Variants in KIF21A observed in about 807,000 individuals in gnomAD.
KIF21A encodes the protein kinesin family member 21A.
A neutral mutation model predicts 202.9 loss-of-function variants in KIF21A; 114 were observed. The ratio of observed to expected loss-of-function variants is 0.56; its 90% CI spans 0.48 to 0.66. The LOEUF (loss-of-function observed/expected upper bound fraction) is 0.66. KIF21A is among the 30% of genes least tolerant of loss of function. The pLI is 0.00. For missense variants in KIF21A, 1,677 were observed against 1,994.9 expected (o/e 0.84, Z 3.04); for synonymous variants, 667 against 670.8 (o/e 0.99, Z 0.09).
At chr12:39,376,147 ACG>A (rs1950257487) in intron 1 of KIF21A, among the ~76,000 whole-genome samples, 1 of 152,144 alleles carries the variant, frequency 6.6e-6, no homozygotes, top group African/African-American at 2.4e-5. Flanking sequence ...TAGAACCCCT[ACG>A]TCATCAATAG....
At chr12:39,376,220 CACAT>C (rs572688719) in intron 1 of KIF21A, among the ~76,000 whole-genome samples, 20 of 152,094 alleles carry the variant, frequency 1.3e-4, no homozygotes, top group Non-Finnish European at 2.6e-4. Context: ...CAGATATACA[CACAT>C]ACATTGTTAT....
intron 11 of KIF21A, among the ~76,000 whole-genome samples, chr12:39,348,929 T>C (rs748731321): frequency 6.6e-6 from 1 of 152,120 alleles, no homozygotes; most frequent in Non-Finnish European, 1.5e-5. Context: ...GCTTGTTGGT[T>C]ATCAGACATT....
At chr12:39,324,126 G>A (rs530782625) in intron 26 of KIF21A, among the ~76,000 whole-genome samples, 131 of 151,832 alleles carry the variant, frequency 8.6e-4, no homozygotes, top group Admixed American at 3.7e-3. Context: ...AAAAAGAAAT[G>A]ATACGAGATC....
chr12:39,439,778 G>C (rs1486491366), intron 1 of KIF21A, among the ~76,000 whole-genome samples: 1 of 152,002 alleles, frequency 6.6e-6, no homozygotes, highest in Non-Finnish European at 1.5e-5. Context: ...ACTGTAAAAA[G>C]GTATTTTTGG....
chr12:39,358,061 G>T, intron 8 of KIF21A, 117 bp downstream of exon 8: 1 of 874,834 alleles, frequency 1.1e-6, no homozygotes, highest in Non-Finnish European at 1.9e-6. Context: ...AAGGAAGGAG[G>T]ACACTATTAT....
chr12:39,297,642 C>T (rs192437592), intron 37 of KIF21A, among the ~76,000 whole-genome samples: 9,392 of 149,608 alleles, frequency 0.063, 978 homozygotes, highest in African/African-American at 0.22. Context: ...TGCTAGATGA[C>T]GAGTTAGTGA....
Position 39,309,434 on chromosome 12 carries a change from T to C in KIF21A, c.4277+152A>G, listed in dbSNP as rs1335792348. On this transcript the variant is annotated intron_variant, in intron 33 of 37. Transcript: ENST00000361418. ...AATTTTCCCCCCTCTTATCTGTGCT[T>C]TTCTTTGTGAACACTTTAATATCCT... 1.6e-5 allele frequency: 10 copies of C among 608,538 alleles called. No homozygotes were observed. In the East Asian group the frequency reaches 2.6e-4, roughly 16 times the overall value. The allele number at this position is 608,538 out of a possible 1,614,324, so 37.7% of individuals were successfully genotyped here.
chr12:39,338,781 A>C (rs532005111), intron 16 of KIF21A, among the ~76,000 whole-genome samples: 1 of 152,366 alleles, frequency 6.6e-6, no homozygotes, highest in Non-Finnish European at 1.5e-5. Context: ...GTCTAAAAAA[A>C]TAATGTGCAT....
intron 1 of KIF21A, among the ~76,000 whole-genome samples, chr12:39,426,908 GA>G (rs1332730792): frequency 6.0e-5 from 9 of 150,456 alleles, no homozygotes; most frequent in African/African-American, 2.2e-4. Flanking sequence ...AGAAAAGAAA[GA>G]AAATTAAGAA....
At chr12:39,387,672 G>A (rs909859552) in intron 1 of KIF21A, among the ~76,000 whole-genome samples, 2 of 152,042 alleles carry the variant, frequency 1.3e-5, no homozygotes, top group Non-Finnish European at 2.9e-5. Flanking sequence ...TATTGGATCC[G>A]TATGTGGGCC....
chr12:39,356,398 G>C (rs962109047), intron 10 of KIF21A, among the ~76,000 whole-genome samples: 2 of 152,076 alleles, frequency 1.3e-5, no homozygotes, highest in African/African-American at 4.8e-5. Context: ...CAAATTAGTA[G>C]GTATGCCATG....
chr12:39,374,125 A>C (rs890082190), intron 1 of KIF21A, among the ~76,000 whole-genome samples: 5 of 152,194 alleles, frequency 3.3e-5, no homozygotes, highest in Non-Finnish European at 4.4e-5. Context: ...ATTAATACTC[A>C]AGTCAATAAT....
intron 1 of KIF21A, among the ~76,000 whole-genome samples, chr12:39,383,231 G>A (rs1159778197): frequency 1.3e-5 from 2 of 150,590 alleles, no homozygotes; most frequent in Admixed American, 6.5e-5. Context: ...ATCCATTAGC[G>A]TGAATACTAA....
chr12:39,294,546 T>C, intron 37 of KIF21A, 29 bp from the exon 38 acceptor site: 1 of 1,501,760 alleles, frequency 6.7e-7, no homozygotes, highest in Non-Finnish European at 9.3e-7. Context: ...AACATGGATA[T>C]ATGAACAAGG....
chr12:39,378,598 G>A (rs757109886), intron 1 of KIF21A, among the ~76,000 whole-genome samples: 1 of 152,166 alleles, frequency 6.6e-6, no homozygotes, highest in Non-Finnish European at 1.5e-5. Context: ...AATTTCTGTT[G>A]ATGCTGGTGG....
intron 1 of KIF21A, among the ~76,000 whole-genome samples, chr12:39,436,635 G>GAAA (rs1255517354): frequency 9.6e-6 from 1 of 103,972 alleles, no homozygotes; most frequent in African/African-American, 4.6e-5. Flanking sequence ...TTTAATAATT[G>GAAA]CAAAAAAAAA....
At chr12:39,346,431 G>C (rs1272278482) in intron 12 of KIF21A, 35 bp downstream of exon 12, 1 of 1,420,996 alleles carries the variant, frequency 7.0e-7, no homozygotes, top group South Asian at 1.6e-5. Flanking sequence ...GTATTTAAAC[G>C]ACATTTTAAT....
chr12:39,376,217 A>G (rs1434463042), intron 1 of KIF21A, among the ~76,000 whole-genome samples: 6 of 152,180 alleles, frequency 3.9e-5, no homozygotes, highest in African/African-American at 1.4e-4. Context: ...TTACAGATAT[A>G]CACACATACA....
In KIF21A at chr12:39,355,549, C is replaced by T. The variant is rs554084071; in HGVS notation, c.1469+1283G>A. Among the ~76,000 whole-genome samples, 83 of 151,390 alleles carry T rather than the reference C, an allele frequency of 5.5e-4. 1 individual carries two copies. The highest frequency in any genetic ancestry group is 9.2e-4 in the Admixed American group (14 of 15,196). ...CAAGGAGTGGTAAAGATGGGGTCAACGAAATCAGGAAAGACTGGTCAAAGA... is the reference window on the plus strand; with the variant it reads ...CAAGGAGTGGTAAAGATGGGGTCAATGAAATCAGGAAAGACTGGTCAAAGA... On this transcript the variant is annotated intron_variant, in intron 10 of 37. Transcript: ENST00000361418.
Sources: allele counts gnomAD v4.1 joint callset (sites outside exome capture counted in the v4.1 genomes callset), GRCh38; gene constraint gnomAD v4.1.1; transcripts MANE v1.5; gene names NCBI Gene and HGNC (gene_info 2026-07-23, HGNC 2026-07-21).